Variants in NOS1AP observed in about 807,000 individuals in gnomAD.
The protein encoded by NOS1AP is carboxyl-terminal PDZ ligand of neuronal nitric oxide synthase protein.
A neutral mutation model predicts 56.2 loss-of-function variants in NOS1AP; 21 were observed. The observed-to-expected ratio is 0.37, with a 90% CI of 0.26 to 0.54. The LOEUF (loss-of-function observed/expected upper bound fraction) is 0.54, where lower values mean the gene tolerates loss of function less well. Ranked by LOEUF, NOS1AP falls within the 20% of genes least tolerant of loss-of-function variation. The pLI is 0.84. For missense variants in NOS1AP, 522 were observed against 657.8 expected, an observed-to-expected ratio of 0.79 and a Z score of 2.26; for synonymous variants, 270 against 274.6, an observed-to-expected ratio of 0.98 and a Z score of 0.17.
intron 4 of NOS1AP, among the ~76,000 whole-genome samples, chr1:162,306,021 T>C (rs1481287808): frequency 6.6e-6 from 1 of 152,232 alleles, no homozygotes; most frequent in Non-Finnish European, 1.5e-5. Flanking sequence ...AGGATGACTG[T>C]GAGTGTCCTG....
intron 2 of NOS1AP, among the ~76,000 whole-genome samples, chr1:162,173,722 AAAAC>A (rs1162705991): frequency 1.3e-5 from 2 of 152,314 alleles, no homozygotes; most frequent in Non-Finnish European, 2.9e-5. Context: ...TTACAAGAAA[AAAAC>A]AAACAACCCC....
chr1:162,309,170 G>C (rs1655940578), intron 4 of NOS1AP, among the ~76,000 whole-genome samples: 1 of 152,214 alleles, frequency 6.6e-6, no homozygotes, highest in Non-Finnish European at 1.5e-5. Context: ...GGGAAATCAG[G>C]ATACCCATGT....
Position 162,355,296 on chromosome 1 carries a change from A to G in NOS1AP, c.705A>G (p.Arg235=), listed in dbSNP as rs368201854. The change falls in exon 7 of 10, where the codon CGA becomes CGG. Residue 235 remains arginine (R), a synonymous_variant. Coordinates refer to ENST00000361897, the MANE Select transcript of NOS1AP (RefSeq NM_014697.3). The part of the protein sequence containing the change: ...LPGNDVLEFS[R]GVTDLDAVGK... ...GGAATGATGTCCTGGAATTCAGCCG[A>G]GGTGTGACTGATCTAGATGCTGTAG... 1.7e-5 allele frequency: 27 copies of G among 1,614,086 alleles called. No individual in the cohort carries two copies. Among genetic ancestry groups the G allele is most frequent in the Admixed American group, 6.7e-5 (4 of 60,008 alleles).
intron 2 of NOS1AP, among the ~76,000 whole-genome samples, chr1:162,278,121 G>A (rs1654802237): frequency 6.6e-6 from 1 of 152,122 alleles, no homozygotes; most frequent in Non-Finnish European, 1.5e-5. Flanking sequence ...CCTTGCTTCT[G>A]GGATTGACCT....
chr1:162,212,077 G>A (rs1045072481), intron 2 of NOS1AP, among the ~76,000 whole-genome samples: 1 of 152,232 alleles, frequency 6.6e-6, no homozygotes. Flanking sequence ...ATTGCAGGAG[G>A]AGATGCCTTG....
At chr1:162,119,103 C>G (rs1193766943) in intron 1 of NOS1AP, among the ~76,000 whole-genome samples, 2 of 152,092 alleles carry the variant, frequency 1.3e-5, no homozygotes, top group Non-Finnish European at 2.9e-5. Flanking sequence ...ACTTTTGAGG[C>G]CCTCATAGAA....
At chr1:162,278,226 G>T (rs890985166) in intron 2 of NOS1AP, among the ~76,000 whole-genome samples, 1 of 152,128 alleles carries the variant, frequency 6.6e-6, no homozygotes, top group African/African-American at 2.4e-5. Context: ...CAAGAGCTAT[G>T]AAGGTTCATA....
intron 3 of NOS1AP, among the ~76,000 whole-genome samples, chr1:162,292,692 A>G (rs1414242379): frequency 6.6e-6 from 1 of 152,202 alleles, no homozygotes; most frequent in Non-Finnish European, 1.5e-5. Flanking sequence ...CTAATTAATT[A>G]AGCCAGAGTC....
intron 3 of NOS1AP, among the ~76,000 whole-genome samples, chr1:162,298,230 G>C (rs1343793687): frequency 1.3e-5 from 2 of 152,206 alleles, no homozygotes; most frequent in Non-Finnish European, 2.9e-5. Context: ...GGCTGAGAAG[G>C]GTGCCAGGCT....
chr1:162,275,620 G>A (rs1241988291), intron 2 of NOS1AP, among the ~76,000 whole-genome samples: 1 of 152,144 alleles, frequency 6.6e-6, no homozygotes, highest in African/African-American at 2.4e-5. Context: ...GTTGGAGGGG[G>A]AAACCTGCCT....
At chr1:162,210,796 G>A (rs1652325677) in intron 2 of NOS1AP, among the ~76,000 whole-genome samples, 1 of 152,224 alleles carries the variant, frequency 6.6e-6, no homozygotes, top group Admixed American at 6.5e-5. Flanking sequence ...ATAGCTCCAT[G>A]GCACTGGCCT....
At chr1:162,084,988 CTGGAG>C (rs1305724226) in intron 1 of NOS1AP, among the ~76,000 whole-genome samples, 3 of 152,062 alleles carry the variant, frequency 2.0e-5, no homozygotes, top group Non-Finnish European at 4.4e-5. Flanking sequence ...TGGTATTTTT[CTGGAG>C]TGGAGCTGTT....
chr1:162,344,075 A>G (rs1440392664), intron 6 of NOS1AP, 99 bp downstream of exon 6: 3 of 1,324,858 alleles, frequency 2.3e-6, no homozygotes, highest in Non-Finnish European at 2.1e-6. Flanking sequence ...AACTCATTTT[A>G]AGAAACATTT....
intron 1 of NOS1AP, among the ~76,000 whole-genome samples, chr1:162,126,985 G>T (rs964805131): frequency 2.6e-5 from 4 of 152,192 alleles, no homozygotes; most frequent in Non-Finnish European, 1.5e-5. Flanking sequence ...TGATAGGTGA[G>T]AAATAGTATC....
chr1:162,230,474 A>G (rs1653087142), intron 2 of NOS1AP, among the ~76,000 whole-genome samples: 1 of 152,236 alleles, frequency 6.6e-6, no homozygotes, highest in African/African-American at 2.4e-5. Flanking sequence ...TACTAGTCAC[A>G]TTAAAAAGCT....
At chr1:162,335,155 G>A (rs953543415) in intron 5 of NOS1AP, among the ~76,000 whole-genome samples, 5 of 152,114 alleles carry the variant, frequency 3.3e-5, no homozygotes, top group African/African-American at 9.7e-5. Context: ...TCCATGTCTC[G>A]TAGCTCTTAC....
chr1:162,341,194 T>C (rs1450470859), intron 5 of NOS1AP, among the ~76,000 whole-genome samples: 6 of 152,234 alleles, frequency 3.9e-5, no homozygotes, highest in Non-Finnish European at 8.8e-5. Context: ...TTTAATATCA[T>C]CTTAAAAGCT....
chr1:162,321,550 C>T (rs1230077524), intron 4 of NOS1AP, among the ~76,000 whole-genome samples: 1 of 151,722 alleles, frequency 6.6e-6, no homozygotes, highest in African/African-American at 2.4e-5. Context: ...TGGGGGACAT[C>T]ACACACCAGG....
intron 2 of NOS1AP, among the ~76,000 whole-genome samples, chr1:162,200,803 C>G (rs1044434388): frequency 1.3e-5 from 2 of 152,204 alleles, no homozygotes; most frequent in African/African-American, 4.8e-5. Flanking sequence ...GGAACTGAGG[C>G]TGCATTAACA....
Sources: allele counts gnomAD v4.1 joint callset (sites outside exome capture counted in the v4.1 genomes callset), GRCh38; gene constraint gnomAD v4.1.1; transcripts MANE v1.5; gene names NCBI Gene and HGNC (gene_info 2026-07-23, HGNC 2026-07-21).